EPB41: variants seen among roughly 807,000 people sequenced by gnomAD.
EPB41 encodes the protein protein 4.1.
A neutral mutation model predicts 108.0 loss-of-function variants in EPB41; 65 were observed. That is an observed-to-expected ratio of 0.60 (90% CI 0.49 to 0.74). EPB41 has a LOEUF of 0.74. Among genes scored for constraint, EPB41 ranks in the 30% least tolerant of loss-of-function variants. The probability of loss-of-function intolerance (pLI) is 0.00; values close to 1 mark genes in which losing one functional copy is unlikely to be tolerated. For missense variants in EPB41, 875 were observed against 1,037.0 expected, an observed-to-expected ratio of 0.84 and a Z score of 2.15; for synonymous variants, 336 against 358.9, an observed-to-expected ratio of 0.94 and a Z score of 0.72.
At chr1:29,079,870 G>A (rs1163862435) in intron 16 of EPB41, among the ~76,000 whole-genome samples, 2 of 151,822 alleles carry the variant, frequency 1.3e-5, no homozygotes, top group Non-Finnish European at 2.9e-5. Context: ...GATTGCGCGG[G>A]CCTGTAGTTC....
At chr1:28,907,365 C>T (rs203303) in intron 1 of EPB41, among the ~76,000 whole-genome samples, 18,494 of 151,770 alleles carry the variant, frequency 0.12, 1,542 homozygotes, top group African/African-American at 0.25. Context: ...CTGCACCCGG[C>T]CTTCTTTTTT....
intron 1 of EPB41, among the ~76,000 whole-genome samples, chr1:28,958,671 G>A (rs1408112331): frequency 6.7e-6 from 1 of 150,274 alleles, no homozygotes; most frequent in Admixed American, 6.7e-5. Flanking sequence ...AAATTTAGCT[G>A]AGCACAGGCA....
intron 1 of EPB41, among the ~76,000 whole-genome samples, chr1:28,888,692 A>G (rs2147788825): frequency 6.6e-6 from 1 of 152,262 alleles, no homozygotes; most frequent in African/African-American, 2.4e-5. Context: ...CAGTGTCGCG[A>G]TCTCGGCCCA....
intron 1 of EPB41, among the ~76,000 whole-genome samples, chr1:28,963,381 G>GTT (rs1371453663): frequency 6.8e-6 from 1 of 147,154 alleles, no homozygotes; most frequent in Non-Finnish European, 1.5e-5. Flanking sequence ...GTGTGTGTGT[G>GTT]TCTGTGTGTG....
Position 29,101,108 on chromosome 1 carries a change from C to T in EPB41, c.2313+3173C>T, listed in dbSNP as rs1459181731. On this transcript the variant is annotated intron_variant, in intron 17 of 20. Coordinates refer to ENST00000343067, the MANE Select transcript of EPB41 (RefSeq NM_001376013.1). ...GCACGGTGGTGCATGCCTGTAATCC[C>T]AGCTAGTCGAGTGGCTGAGGCAGGA... Among the ~76,000 whole-genome samples, 7 of 151,996 alleles carry T rather than the reference C, an allele frequency of 4.6e-5. No homozygotes were observed. In the East Asian group the frequency reaches 1.3e-3, roughly 29 times the overall value.
chr1:29,115,896 C>A lies in EPB41; in HGVS notation c.*6+93C>A. 1.0e-6 allele frequency: 1 copy of A among 957,804 alleles called. No homozygotes were observed. Among genetic ancestry groups the A allele is most frequent in the Non-Finnish European group, 1.7e-6 (1 of 596,632 alleles). 59.3% of individuals were successfully genotyped at this position (957,804 alleles called of 1,614,324 possible). ...CCTCGGACACACTGGGAGCCCATCC[C>A]CACAAAGAGGTGTTCACCCTGGGAC... On this transcript the variant is annotated intron_variant, in intron 20 of 20. Coordinates refer to ENST00000343067, the MANE Select transcript of EPB41 (RefSeq NM_001376013.1). This position sits in a 1 kb window ranked among gnomAD's most constrained non-coding sequence, Gnocchi z 4.4.
At position 29,030,625 on chromosome 1, in the gene EPB41, A is replaced by G. The variant is rs990141600; in HGVS notation, c.1212+138A>G. ...GTATTTTAAAACATTCAAAAGAGAT[A>G]GTAGACTGGGCACAGCAGCTCATGC... On this transcript the variant is annotated intron_variant, in intron 8 of 20. Coordinates refer to ENST00000343067, the MANE Select transcript of EPB41 (RefSeq NM_001376013.1). 3 of 734,958 alleles carry G rather than the reference A, an allele frequency of 4.1e-6. No individual in the cohort carries two copies. The Admixed American group carries it at 6.7e-5, about 16-fold the overall frequency. 45.5% of individuals were successfully genotyped at this position (734,958 alleles called of 1,614,324 possible). A position where few individuals can be genotyped will look rare whatever the true frequency, so the allele number is the denominator to read the frequency against.
rs116262827 is a variant in EPB41, at chr1:29,115,616, A to C, written c.2497-83A>C. 1.7e-6 allele frequency: 2 copies of C among 1,178,686 alleles called. No homozygotes were observed. The highest frequency in any genetic ancestry group is 2.5e-6 in the Non-Finnish European group (2 of 797,836). 73.0% of individuals were successfully genotyped at this position (1,178,686 alleles called of 1,614,324 possible). A position where few individuals can be genotyped will look rare whatever the true frequency, so the allele number is the denominator to read the frequency against. ...CAGACAGGAGTATTGGATCTGTCAG[A>C]ACATCAGAGAAATGATGACCACTGC... On this transcript the variant is annotated intron_variant, in intron 19 of 20. Transcript: ENST00000343067. This position sits in a 1 kb window ranked among gnomAD's most constrained non-coding sequence, Gnocchi z 4.4.
intron 18 of EPB41, 22 bp downstream of exon 18, chr1:29,109,459 CTT>C: frequency 1.3e-6 from 2 of 1,599,698 alleles, no homozygotes; most frequent in Non-Finnish European, 1.7e-6. Flanking sequence ...GCTAGAACCT[CTT>C]TATGGAACCC....
At chr1:29,059,468 A>G (rs1022425520) in intron 14 of EPB41, among the ~76,000 whole-genome samples, 3 of 151,942 alleles carry the variant, frequency 2.0e-5, no homozygotes, top group African/African-American at 7.3e-5. Flanking sequence ...TTTTATATAC[A>G]TTTATCATAA....
At chr1:29,032,675 T>C (rs1429731285) in intron 8 of EPB41, among the ~76,000 whole-genome samples, 1 of 152,194 alleles carries the variant, frequency 6.6e-6, no homozygotes, top group Admixed American at 6.5e-5. Flanking sequence ...ATAAATATGA[T>C]TTCATTGTGC....
chr1:29,069,754 A>C (rs989713275), intron 16 of EPB41: 1 of 152,164 alleles, frequency 6.6e-6, no homozygotes. Flanking sequence ...GCTCACTGCA[A>C]CCTCTGCCTC....
At chr1:28,991,347 C>T (rs1384701711) in intron 2 of EPB41, among the ~76,000 whole-genome samples, 3 of 151,792 alleles carry the variant, frequency 2.0e-5, no homozygotes, top group Non-Finnish European at 4.4e-5. Context: ...CCATGTGTGC[C>T]AGGCCCTAGG....
rs1671370714 is a variant in EPB41, at chr1:29,118,620, T to C, written c.*1808T>C. On this transcript the variant is annotated 3_prime_UTR_variant, in exon 21 of 21. Coordinates refer to ENST00000343067, the MANE Select transcript of EPB41 (RefSeq NM_001376013.1). ...TCCAAAGTCTCCACTGCCTGAGTTT[T>C]GTTTCGGCTGGTTTGAACTCATTTC... 6.6e-6 allele frequency: 1 copy of C among 152,282 alleles called. No individual in the cohort carries two copies. Among genetic ancestry groups the C allele is most frequent in the African/African-American group, 2.4e-5 (1 of 41,460 alleles). 9.4% of individuals were successfully genotyped at this position (152,282 alleles called of 1,614,324 possible).
intron 1 of EPB41, among the ~76,000 whole-genome samples, chr1:28,964,215 G>T (rs1317212209): frequency 6.6e-6 from 1 of 152,148 alleles, no homozygotes; most frequent in Non-Finnish European, 1.5e-5. Context: ...TGAGGCGGGC[G>T]ATCACTTTAG....
chr1:28,972,070 C>A (rs1427900960), intron 1 of EPB41, among the ~76,000 whole-genome samples: 1 of 151,898 alleles, frequency 6.6e-6, no homozygotes, highest in African/African-American at 2.4e-5. Flanking sequence ...TACAGGTGCA[C>A]GCTACCATGC....
At chr1:29,019,123 A>G (rs1007542024) in intron 7 of EPB41, among the ~76,000 whole-genome samples, 8 of 152,148 alleles carry the variant, frequency 5.3e-5, no homozygotes, top group Non-Finnish European at 7.3e-5. Flanking sequence ...AGGTTTAGAA[A>G]AGGTATTGTG....
chr1:28,946,901 G>A (rs911483588), intron 1 of EPB41, among the ~76,000 whole-genome samples: 5 of 152,078 alleles, frequency 3.3e-5, no homozygotes, highest in Admixed American at 3.3e-4. Context: ...TTTTAATGTG[G>A]GATGAAATAA....
At chr1:29,069,151 T>A in intron 16 of EPB41, 2 of 1,231,536 alleles carry the variant, frequency 1.6e-6, no homozygotes, top group Non-Finnish European at 2.0e-6. Flanking sequence ...CCTTTTTTTC[T>A]TTTTTGCTGA....
Sources: allele counts gnomAD v4.1 joint callset (sites outside exome capture counted in the v4.1 genomes callset), GRCh38; gene constraint gnomAD v4.1.1; non-coding constraint Gnocchi (gnomAD v3.1); transcripts MANE v1.5; gene names NCBI Gene and HGNC (gene_info 2026-07-23, HGNC 2026-07-21).